C12orf42: variants seen among roughly 807,000 people sequenced by gnomAD.
The protein encoded by C12orf42 is uncharacterized protein C12orf42.
In C12orf42, 25 loss-of-function variants were observed where a neutral mutation model predicts 21.6. The observed-to-expected ratio is 1.16, with a 90% CI of 0.84 to 1.62. The LOEUF is 1.62. C12orf42 is among the 40% of genes most tolerant of loss of function. C12orf42 has a pLI of 0.00. For synonymous variants in C12orf42, 174 were observed against 175.0 expected (o/e 0.99, Z 0.05); for missense variants, 483 against 459.3 (o/e 1.05, Z -0.47).
intron 1 of C12orf42, among the ~76,000 whole-genome samples, chr12:103,491,823 A>G (rs1221988859): frequency 2.6e-5 from 4 of 152,248 alleles, no homozygotes; most frequent in Non-Finnish European, 5.9e-5. Context: ...TTTAGTGGAC[A>G]TCAATAAAGC....
intron 1 of C12orf42, among the ~76,000 whole-genome samples, chr12:103,479,946 G>C (rs978571215): frequency 2.0e-5 from 3 of 151,778 alleles, no homozygotes; most frequent in Non-Finnish European, 4.4e-5. Context: ...TCAAAGTTAT[G>C]CTAGCTGCAA....
chr12:103,089,052 A>G, the C12orf42 span, among the ~76,000 whole-genome samples: 1 of 137,352 alleles, frequency 7.3e-6, no homozygotes, highest in South Asian at 2.5e-4. Context: ...CAGTGAGCTG[A>G]GATCGCGCCA....
chr12:103,199,217 TA>T, the C12orf42 span, among the ~76,000 whole-genome samples: 2 of 152,170 alleles, frequency 1.3e-5, no homozygotes, highest in Admixed American at 6.5e-5. Context: ...GGTGAAAGAA[TA>T]GTTTCTTTAA....
At chr12:103,106,521 AG>A in the C12orf42 span, among the ~76,000 whole-genome samples, 1 of 152,192 alleles carries the variant, frequency 6.6e-6, no homozygotes. Context: ...CATTAAAAAA[AG>A]TGGCATGAGT....
intron 5 of C12orf42, among the ~76,000 whole-genome samples, chr12:103,275,058 G>A (rs953503884): frequency 1.3e-5 from 2 of 151,890 alleles, no homozygotes; most frequent in African/African-American, 4.8e-5. Context: ...AAGCTTTATA[G>A]TAAATGCATT....
the C12orf42 span, among the ~76,000 whole-genome samples, chr12:103,139,713 G>A: frequency 1.3e-5 from 2 of 152,138 alleles, no homozygotes; most frequent in Non-Finnish European, 2.9e-5. Context: ...TGGTACTGGA[G>A]GGCTTAGGGG....
At chr12:103,169,131 C>T in the C12orf42 span, among the ~76,000 whole-genome samples, 2 of 151,072 alleles carry the variant, frequency 1.3e-5, no homozygotes, top group East Asian at 1.9e-4. Flanking sequence ...GCATGTTCTG[C>T]ACGGATATTC....
chr12:103,456,922 TTAAAA>T (rs1271865842), intron 2 of C12orf42, among the ~76,000 whole-genome samples: 2 of 152,198 alleles, frequency 1.3e-5, no homozygotes, highest in African/African-American at 4.8e-5. Flanking sequence ...TGTCTGATTT[TTAAAA>T]TAATATAATC....
At chr12:103,552,132 C>T in the C12orf42 span, among the ~76,000 whole-genome samples, 1 of 152,076 alleles carries the variant, frequency 6.6e-6, no homozygotes, top group Non-Finnish European at 1.5e-5. Flanking sequence ...ATTGCATTTA[C>T]TCACTCTGTG....
chr12:103,069,556 G>C, the C12orf42 span, among the ~76,000 whole-genome samples: 1 of 152,088 alleles, frequency 6.6e-6, no homozygotes, highest in Non-Finnish European at 1.5e-5. Flanking sequence ...TGTTCTGAAA[G>C]CAAAAGAGCA....
At chr12:103,059,000 G>T in the C12orf42 span, among the ~76,000 whole-genome samples, 3 of 152,036 alleles carry the variant, frequency 2.0e-5, no homozygotes, top group Admixed American at 2.0e-4. Flanking sequence ...AGGAGATAGA[G>T]ACATGAAAAA....
At chr12:103,100,138 AC>A in the C12orf42 span, among the ~76,000 whole-genome samples, 4 of 152,356 alleles carry the variant, frequency 2.6e-5, no homozygotes. Context: ...CTGTTCAGAT[AC>A]CCAAGGCAGG....
upstream of C12orf42, among the ~76,000 whole-genome samples, chr12:103,500,275 C>T (rs75776882): frequency 5.4e-3 from 818 of 152,300 alleles, 6 homozygotes; most frequent in African/African-American, 0.019. Context: ...ATATCTAATA[C>T]CCCTTTCATT....
the C12orf42 span, among the ~76,000 whole-genome samples, chr12:103,229,613 G>A: frequency 6.6e-6 from 1 of 152,180 alleles, no homozygotes; most frequent in Non-Finnish European, 1.5e-5. Flanking sequence ...ACATCCAACT[G>A]AAGAGTGCTT....
chr12:103,049,858 C>G, the C12orf42 span, among the ~76,000 whole-genome samples: 1 of 152,108 alleles, frequency 6.6e-6, no homozygotes, highest in Non-Finnish European at 1.5e-5. Context: ...ACCTTCTCAG[C>G]AAGTCCTTCC....
chr12:103,417,119 TG>T (rs2049420304), intron 2 of C12orf42, among the ~76,000 whole-genome samples: 1 of 152,204 alleles, frequency 6.6e-6, no homozygotes, highest in South Asian at 2.1e-4. Flanking sequence ...CAGTCAACAT[TG>T]AACATAAACT....
chr12:103,069,883 G>A, the C12orf42 span, among the ~76,000 whole-genome samples: 2 of 152,040 alleles, frequency 1.3e-5, no homozygotes, highest in Middle Eastern at 3.2e-3. Context: ...TCTAAATAAG[G>A]GCAGGTTTCC....
downstream of C12orf42, among the ~76,000 whole-genome samples, chr12:103,233,368 G>C (rs1335024810): frequency 6.6e-6 from 1 of 152,138 alleles, no homozygotes; most frequent in Non-Finnish European, 1.5e-5. Context: ...AATAATCTTT[G>C]AGGATTTTGA....
chr12:103,149,836 T>A, the C12orf42 span, among the ~76,000 whole-genome samples: 1 of 152,316 alleles, frequency 6.6e-6, no homozygotes, highest in East Asian at 1.9e-4. Context: ...TGAAAAAGGA[T>A]TAATACACCT....
Sources: allele counts gnomAD v4.1 joint callset (sites outside exome capture counted in the v4.1 genomes callset), GRCh38; gene constraint gnomAD v4.1.1; transcripts MANE v1.5; gene names NCBI Gene and HGNC (gene_info 2026-07-23, HGNC 2026-07-21).